The following LOXL2 variants were observed in gnomAD, a reference collection of about 807,000 sequenced individuals.
The protein encoded by LOXL2 is lysyl oxidase like 2, also known as lysyl oxidase homolog 2.
In LOXL2, 70 loss-of-function variants were observed where a neutral mutation model predicts 93.0. The observed-to-expected ratio is 0.75, with a 90% CI of 0.62 to 0.92. The LOEUF is 0.92. Ranked by LOEUF, LOXL2 falls within the 40% of genes least tolerant of loss-of-function variation. LOXL2 has a pLI of 0.00. For missense variants in LOXL2, 973 were observed against 1,054.9 expected (o/e 0.92, Z 1.08); for synonymous variants, 438 against 413.2 (o/e 1.06, Z -0.73).
intron 2 of LOXL2, among the ~76,000 whole-genome samples, chr8:23,360,570 G>A (rs747935467): frequency 6.6e-6 from 1 of 152,118 alleles, no homozygotes; most frequent in African/African-American, 2.4e-5. Context: ...TACCAAGCTG[G>A]GTTTGAGTTC....
At position 23,309,263 on chromosome 8, in the gene LOXL2, G is replaced by A. The variant is rs569291677; in HGVS notation, c.1880+405C>T. Among the ~76,000 whole-genome samples, 35 of 152,132 alleles carry A rather than the reference G, an allele frequency of 2.3e-4. 1 individual carries two copies. The highest frequency in any genetic ancestry group is 4.6e-4 in the Non-Finnish European group (31 of 68,030). ...CTCCCAAAGTGCTGGGATTACAGGCGTGAGCCACCGCGCCAGGCTGGGAAT... is the reference window on the plus strand; with the variant it reads ...CTCCCAAAGTGCTGGGATTACAGGCATGAGCCACCGCGCCAGGCTGGGAAT... On this transcript the variant is annotated intron_variant, in intron 10 of 13. Coordinates refer to ENST00000389131, the MANE Select transcript of LOXL2 (RefSeq NM_002318.3).
chr8:23,314,306 G>T lies in LOXL2; in HGVS notation c.1636+2643C>A, dbSNP rs528208858. 2.6e-4 allele frequency among the ~76,000 whole-genome samples: 37 copies of T among 141,760 alleles called. No homozygotes were observed. The East Asian group carries it at 6.9e-3, about 26-fold the overall frequency. 93.0% of individuals were successfully genotyped at this position (141,760 alleles called of 152,430 possible). A position where few individuals can be genotyped will look rare whatever the true frequency, so the allele number is the denominator to read the frequency against. On this transcript the variant is annotated intron_variant, in intron 9 of 13. Transcript: ENST00000389131. ...TCCCATTACTGGGTATATACCCAAA[G>T]GACTATAAATCATGCTGCTATAAAG...
chr8:23,306,722 T>G (rs1803234886), intron 10 of LOXL2, among the ~76,000 whole-genome samples: 1 of 152,262 alleles, frequency 6.6e-6, no homozygotes, highest in Admixed American at 6.5e-5. Flanking sequence ...CTCCAACTCC[T>G]AGCTCCTCTC....
intron 3 of LOXL2, among the ~76,000 whole-genome samples, chr8:23,354,809 G>GAA (rs1224683226): frequency 6.6e-6 from 1 of 151,670 alleles, no homozygotes; most frequent in Non-Finnish European, 1.5e-5. Context: ...GTTCGTGCTT[G>GAA]AATTCCTCCA....
intron 4 of LOXL2, chr8:23,337,357 C>A (rs904204232): frequency 2.0e-5 from 3 of 152,216 alleles, no homozygotes; most frequent in Non-Finnish European, 4.4e-5. Context: ...GATCACAGCT[C>A]CTCAAGGAGG....
At chr8:23,301,949 C>T in intron 12 of LOXL2, 78 bp downstream of exon 12, 1 of 1,563,986 alleles carries the variant, frequency 6.4e-7, no homozygotes, top group Non-Finnish European at 8.8e-7. Context: ...CCTGTGTGGA[C>T]ACCAATGGGA....
intron 12 of LOXL2, among the ~76,000 whole-genome samples, chr8:23,299,984 G>C (rs1178806192): frequency 6.6e-6 from 1 of 152,242 alleles, no homozygotes; most frequent in African/African-American, 2.4e-5. Context: ...TAGCTAAGGA[G>C]GTACATGCCC....
At chr8:23,310,645 C>A (rs1803308035) in intron 9 of LOXL2, among the ~76,000 whole-genome samples, 1 of 152,176 alleles carries the variant, frequency 6.6e-6, no homozygotes, top group African/African-American at 2.4e-5. Context: ...TAGAATATAT[C>A]TCTGTAAGTG....
intron 12 of LOXL2, among the ~76,000 whole-genome samples, chr8:23,300,641 A>G (rs1033109718): frequency 3.3e-5 from 5 of 152,226 alleles, no homozygotes; most frequent in Non-Finnish European, 5.9e-5. Context: ...TCCATTTGCT[A>G]ATTGTATTGT....
chr8:23,327,129 C>T (rs895421449), intron 6 of LOXL2, among the ~76,000 whole-genome samples: 7 of 152,196 alleles, frequency 4.6e-5, no homozygotes, highest in South Asian at 2.1e-4. Context: ...CACTGGAATG[C>T]GGGCTTCCTT....
chr8:23,342,634 T>C (rs1051393188), intron 3 of LOXL2, among the ~76,000 whole-genome samples: 8 of 152,204 alleles, frequency 5.3e-5, no homozygotes, highest in Non-Finnish European at 1.2e-4. Context: ...GGTTTCACCA[T>C]GTTAGCCAGG....
intron 4 of LOXL2, among the ~76,000 whole-genome samples, chr8:23,334,772 G>GTGGTAA (rs1554478646): frequency 1.3e-5 from 2 of 150,500 alleles, no homozygotes; most frequent in Non-Finnish European, 3.0e-5. Context: ...AAAATCAGAA[G>GTGGTAA]TAGTATCTGC....
At chr8:23,383,646 GTTTTTTTTTTGTTTTT>G (rs1804710983) in intron 1 of LOXL2, among the ~76,000 whole-genome samples, 2 of 117,656 alleles carry the variant, frequency 1.7e-5, no homozygotes, top group Non-Finnish European at 3.4e-5. Flanking sequence ...GCACTTTTAC[GTTTTTTTTTTGTTTTT>G]TTTTTTTTTT....
intron 12 of LOXL2, among the ~76,000 whole-genome samples, chr8:23,300,013 G>T (rs1456517019): frequency 6.6e-6 from 1 of 152,226 alleles, no homozygotes; most frequent in South Asian, 2.1e-4. Flanking sequence ...GGCGGCTTGA[G>T]TTTTTTCTTT....
chr8:23,319,983 G>A lies in LOXL2; in HGVS notation c.1372C>T (p.Leu458Phe). Reference protein sequence around the residue: ...VEVLVERNGSLVWGMVCGQNW... With the variant: ...VEVLVERNGSFVWGMVCGQNW... ...TGGCCACACACCATCCCCCACACAA[G>A]GGACCCGTTTCTCTCCACCAGCACC... Residue 458 changes from leucine to phenylalanine, a missense_variant, in exon 8 of 14, where the codon CTT becomes TTT. By Grantham distance (22) the Leu-to-Phe change is conservative. Coordinates refer to ENST00000389131, the MANE Select transcript of LOXL2 (RefSeq NM_002318.3). 1 of 1,614,074 alleles carries A rather than the reference G, an allele frequency of 6.2e-7. No homozygotes were observed. The highest frequency in any genetic ancestry group is 8.5e-7 in the Non-Finnish European group (1 of 1,179,968).
chr8:23,371,385 A>G (rs1804489890), intron 1 of LOXL2, among the ~76,000 whole-genome samples: 1 of 152,228 alleles, frequency 6.6e-6, no homozygotes, highest in Non-Finnish European at 1.5e-5. Context: ...TGATGTAGGT[A>G]AATCTCAATG....
intron 9 of LOXL2, among the ~76,000 whole-genome samples, chr8:23,316,462 G>T (rs896403878): frequency 2.0e-5 from 3 of 152,194 alleles, no homozygotes; most frequent in Non-Finnish European, 4.4e-5. Flanking sequence ...GCTTCAGGAA[G>T]TGGGTCATCC....
intron 12 of LOXL2, among the ~76,000 whole-genome samples, chr8:23,300,229 G>C (rs1223939036): frequency 6.6e-6 from 1 of 152,254 alleles, no homozygotes; most frequent in African/African-American, 2.4e-5. Flanking sequence ...GTGTGGGGTG[G>C]AGGCGGGGCT....
chr8:23,345,384 C>T (rs559322642), intron 3 of LOXL2, among the ~76,000 whole-genome samples: 18 of 152,320 alleles, frequency 1.2e-4, no homozygotes, highest in African/African-American at 4.3e-4. Context: ...CTGAAGGGTG[C>T]TGGTGCTGTG....
Sources: gnomAD v4.1 joint callset for allele counts (sites outside exome capture counted in the v4.1 genomes callset) on GRCh38, gnomAD v4.1.1 for gene constraint, MANE v1.5 for transcripts, NCBI Gene and HGNC (gene_info 2026-07-23, HGNC 2026-07-21) for gene names.